The following SLC25A23 variants were observed in gnomAD, a reference collection of about 807,000 sequenced individuals.
SLC25A23 encodes mitochondrial adenyl nucleotide antiporter SLC25A23.
SLC25A23 carries 32 observed loss-of-function variants against 53.9 expected under a neutral mutation model. That is an observed-to-expected ratio of 0.59 (90% CI 0.45 to 0.80). SLC25A23 has a LOEUF of 0.80. SLC25A23 is among the 30% of genes least tolerant of loss of function. The pLI is 0.00. For synonymous variants in SLC25A23, 275 were observed against 264.5 expected (o/e 1.04, Z -0.38); for missense variants, 575 against 651.4 (o/e 0.88, Z 1.28).
At chr19:6,446,674 T>C (rs974120456) in intron 8 of SLC25A23, among the ~76,000 whole-genome samples, 1 of 152,138 alleles carries the variant, frequency 6.6e-6, no homozygotes, top group Non-Finnish European at 1.5e-5. Context: ...CTCCCACAGA[T>C]CTCTAGAGGG....
downstream of SLC25A23, among the ~76,000 whole-genome samples, chr19:6,439,161 A>G (rs1011079446): frequency 6.6e-6 from 1 of 152,002 alleles, no homozygotes; most frequent in Non-Finnish European, 1.5e-5. Flanking sequence ...TGTAAGCTGC[A>G]GTGAGCCGAG....
At chr19:6,442,284 GGACC>G in intron 9 of SLC25A23, 125 bp from the exon 10 acceptor site, 1 of 645,578 alleles carries the variant, frequency 1.5e-6, no homozygotes, top group Non-Finnish European at 2.6e-6. Flanking sequence ...ACTAACAGTG[GGACC>G]TACCACTCAG....
chr19:6,454,408 C>T lies in SLC25A23; in HGVS notation c.710G>A (p.Gly237Asp). Residue 237 changes from glycine to aspartate, a missense_variant, in exon 6 of 10, where the codon GGC becomes GAC. Gly to Asp is a moderately conservative substitution (Grantham distance 94). Coordinates refer to ENST00000301454, the MANE Select transcript of SLC25A23 (RefSeq NM_024103.3). This position sits in a 1 kb window ranked among gnomAD's most constrained non-coding sequence, Gnocchi z 4.3. The part of the protein sequence containing the change: ...GGLRSMVLEG[G>D]IRSLWRGNGI... Reference sequence around the variant, plus strand: ...ATTGCCGCGCCACAGGGAGCGGATGCCTCCCTCAAGGACCATGCTTCGAAG... The same window carrying T: ...ATTGCCGCGCCACAGGGAGCGGATGTCTCCCTCAAGGACCATGCTTCGAAG... The T allele has an allele frequency of 6.2e-7, 1 of 1,614,184 alleles. No individual in the cohort carries two copies. The highest frequency in any genetic ancestry group is 8.5e-7 in the Non-Finnish European group (1 of 1,180,030).
intron 8 of SLC25A23, among the ~76,000 whole-genome samples, chr19:6,450,561 T>C (rs1287663545): frequency 6.6e-6 from 1 of 152,198 alleles, no homozygotes; most frequent in Non-Finnish European, 1.5e-5. Context: ...GCACAGTGTC[T>C]AGCACAGAGT....
chr19:6,455,705 G>A (rs568218287), intron 4 of SLC25A23, among the ~76,000 whole-genome samples: 132 of 123,804 alleles, frequency 1.1e-3, no homozygotes, highest in Non-Finnish European at 1.8e-3. Flanking sequence ...TCTGAAGACC[G>A]TGTTTTTTTT....
intron 1 of SLC25A23, among the ~76,000 whole-genome samples, chr19:6,458,793 G>A (rs372011057): frequency 5.9e-4 from 90 of 152,192 alleles, no homozygotes; most frequent in Non-Finnish European, 1.1e-3. Context: ...AGAACCAAGC[G>A]GAGTGGCTGA....
Position 6,455,687 on chromosome 19 carries a change from T to C in SLC25A23, c.483+733A>G, listed in dbSNP as rs887847859. ...CCACTACCCTCTCTAGTGGCTCCCA[T>C]TGGATCCTCTGAAGACCGTGTTTTT... is the stretch of plus-strand genomic sequence containing the variant. On this transcript the variant is annotated intron_variant, in intron 4 of 9. Coordinates refer to ENST00000301454, the MANE Select transcript of SLC25A23 (RefSeq NM_024103.3). Among the ~76,000 whole-genome samples, 9 of 150,096 alleles carry C rather than the reference T, an allele frequency of 6.0e-5. No individual in the cohort carries two copies. In the South Asian group the frequency reaches 1.0e-3, roughly 17 times the overall value.
intron 9 of SLC25A23, among the ~76,000 whole-genome samples, 165 bp from the exon 10 acceptor site, chr19:6,442,324 A>T (rs1008690387): frequency 6.6e-6 from 1 of 152,152 alleles, no homozygotes; most frequent in East Asian, 1.9e-4. Context: ...TGACCTTGGA[A>T]CTGGCTGCTC....
downstream of SLC25A23, chr19:6,438,846 A>G (rs554679845): frequency 1.4e-4 from 27 of 194,250 alleles, no homozygotes; most frequent in East Asian, 3.8e-3. Flanking sequence ...CAAGACTCCT[A>G]TATCAAAAAA....
chr19:6,444,063 G>A (rs1396105578), intron 9 of SLC25A23, 88 bp downstream of exon 9: 2 of 1,379,008 alleles, frequency 1.5e-6, no homozygotes, highest in South Asian at 1.6e-5. Flanking sequence ...CGAAATCCAG[G>A]AGGGTCCCAG....
chr19:6,457,879 A>G (rs2092703151), intron 2 of SLC25A23, among the ~76,000 whole-genome samples: 2 of 152,154 alleles, frequency 1.3e-5, no homozygotes, highest in South Asian at 4.1e-4. Context: ...GGCAATATCC[A>G]CAACCCAGAT....
intron 8 of SLC25A23, among the ~76,000 whole-genome samples, chr19:6,447,523 G>T (rs1048458779): frequency 6.6e-6 from 1 of 151,848 alleles, no homozygotes; most frequent in African/African-American, 2.4e-5. Flanking sequence ...TCACCCTGTC[G>T]CCTGGGTTGG....
At chr19:6,456,313 T>C (rs10425555) in intron 4 of SLC25A23, 107 bp downstream of exon 4, 152,321 of 1,156,844 alleles carry the variant, frequency 0.13, 11,467 homozygotes, top group African/African-American at 0.25. Flanking sequence ...GCCTTCTCCT[T>C]CTGGAAAGTC....
At chr19:6,457,479 G>A (rs781328477) in intron 3 of SLC25A23, 24 bp downstream of exon 3, 1 of 1,608,190 alleles carries the variant, frequency 6.2e-7, no homozygotes, top group East Asian at 2.2e-5. Context: ...AGTTACTTTG[G>A]ATTCCAGACC....
intron 8 of SLC25A23, 53 bp from the exon 9 acceptor site, chr19:6,444,354 G>C: frequency 6.6e-7 from 1 of 1,525,184 alleles, no homozygotes; most frequent in African/African-American, 1.4e-5. Flanking sequence ...CTAGGACCCT[G>C]GCTTCAAAGG....
At chr19:6,445,099 G>A (rs113964983) in intron 8 of SLC25A23, among the ~76,000 whole-genome samples, 3,444 of 151,540 alleles carry the variant, frequency 0.023, 151 homozygotes, top group African/African-American at 0.08. Context: ...CACCATGCCT[G>A]GCACAAGGCC....
At position 6,457,581 on chromosome 19, in the gene SLC25A23, TC is replaced by T; in HGVS notation, c.292del (p.Asp98MetfsTer34). ...SLDRNQDGHI[D>X]VSEIQQSFRA... ...GAAACTCTGTTGGATCTCAGAGACA[TC>T]AATGTGACCTGGGGAGGGGGCCGGA... On this transcript the variant is annotated frameshift_variant, in exon 3 of 10. Transcript: ENST00000301454. LOFTEE classifies it high-confidence loss of function. 1 of 1,613,776 alleles carries T rather than the reference TC, an allele frequency of 6.2e-7. No individual in the cohort carries two copies. The highest frequency in any genetic ancestry group is 8.5e-7 in the Non-Finnish European group (1 of 1,179,964).
chr19:6,442,223 C>T (rs1168369268), intron 9 of SLC25A23, 64 bp from the exon 10 acceptor site: 3 of 1,245,350 alleles, frequency 2.4e-6, no homozygotes, highest in East Asian at 2.6e-5. Flanking sequence ...CCCCTCCTAC[C>T]CCCAGGGTTG....
downstream of SLC25A23, among the ~76,000 whole-genome samples, chr19:6,439,026 G>A (rs1057265456): frequency 1.3e-5 from 2 of 152,056 alleles, no homozygotes; most frequent in African/African-American, 2.4e-5. Flanking sequence ...GGGCGACAGA[G>A]CGAGACTGCA....
Sources: allele counts gnomAD v4.1 joint callset (sites outside exome capture counted in the v4.1 genomes callset), GRCh38; gene constraint gnomAD v4.1.1; non-coding constraint Gnocchi (gnomAD v3.1); transcripts MANE v1.5; gene names NCBI Gene and HGNC (gene_info 2026-07-23, HGNC 2026-07-21).